Variants in DNAJC3 observed in about 807,000 individuals in gnomAD.
DNAJC3 encodes the protein DnaJ heat shock protein family (Hsp40) member C3, also known as dnaJ homolog subfamily C member 3.
In DNAJC3, 38 loss-of-function variants were observed where a neutral mutation model predicts 68.6. That is an observed-to-expected ratio of 0.55 (90% CI 0.43 to 0.73). DNAJC3 has a LOEUF of 0.73. Among genes scored for constraint, DNAJC3 ranks in the 30% least tolerant of loss-of-function variants. DNAJC3 has a pLI of 0.00. For synonymous variants in DNAJC3, 203 were observed against 204.0 expected, an observed-to-expected ratio of 1.00 and a Z score of 0.04; for missense variants, 526 against 591.9, an observed-to-expected ratio of 0.89 and a Z score of 1.16.
At chr13:95,766,926 T>G (rs1049847437) in intron 9 of DNAJC3, among the ~76,000 whole-genome samples, 1 of 152,164 alleles carries the variant, frequency 6.6e-6, no homozygotes, top group African/African-American at 2.4e-5. Flanking sequence ...GGTCTTGAAC[T>G]CCTGACCTCG....
At chr13:95,782,766 T>G (rs1415076562) in intron 9 of DNAJC3, among the ~76,000 whole-genome samples, 1 of 152,196 alleles carries the variant, frequency 6.6e-6, no homozygotes, top group East Asian at 1.9e-4. Flanking sequence ...CCCGTGTAGG[T>G]TGCCTGTTCA....
chr13:95,729,526 T>C (rs1412081601), intron 4 of DNAJC3, among the ~76,000 whole-genome samples: 1 of 152,014 alleles, frequency 6.6e-6, no homozygotes, highest in Non-Finnish European at 1.5e-5. Context: ...GGTATCCCTT[T>C]GATATACTGA....
At chr13:95,784,847 G>A (rs550260245) in intron 9 of DNAJC3, among the ~76,000 whole-genome samples, 1 of 152,194 alleles carries the variant, frequency 6.6e-6, no homozygotes, top group African/African-American at 2.4e-5. Context: ...GGTGGTGCGT[G>A]CCTGTAGTCC....
At chr13:95,748,051 C>T (rs1882357872) in intron 4 of DNAJC3, among the ~76,000 whole-genome samples, 1 of 152,148 alleles carries the variant, frequency 6.6e-6, no homozygotes, top group Non-Finnish European at 1.5e-5. Context: ...ATCCAACATA[C>T]TTTCCTAAGT....
intron 5 of DNAJC3, 100 bp from the exon 6 acceptor site, chr13:95,759,940 G>A: frequency 1.7e-6 from 2 of 1,208,950 alleles, no homozygotes; most frequent in Non-Finnish European, 2.2e-6. Flanking sequence ...AATTGAGAAT[G>A]TTTTATGTTG....
At chr13:95,737,174 C>T (rs1278658499) in intron 4 of DNAJC3, among the ~76,000 whole-genome samples, 3 of 151,002 alleles carry the variant, frequency 2.0e-5, no homozygotes, top group African/African-American at 7.3e-5. Flanking sequence ...ATGAAGCCCA[C>T]TTGATCATGG....
chr13:95,731,927 A>T (rs1881730152), intron 4 of DNAJC3, among the ~76,000 whole-genome samples: 2 of 127,474 alleles, frequency 1.6e-5, no homozygotes, highest in Non-Finnish European at 1.6e-5. Context: ...TTTTTTTGAG[A>T]CTGGGTCGCA....
At chr13:95,702,860 T>C (rs1283353482) in intron 1 of DNAJC3, among the ~76,000 whole-genome samples, 1 of 152,230 alleles carries the variant, frequency 6.6e-6, no homozygotes, top group Admixed American at 6.5e-5. Context: ...AGACTCCTGG[T>C]TCCATCAGTC....
intron 4 of DNAJC3, among the ~76,000 whole-genome samples, chr13:95,757,400 G>A (rs961457910): frequency 2.6e-5 from 4 of 152,184 alleles, no homozygotes; most frequent in Non-Finnish European, 5.9e-5. Flanking sequence ...TTTGCTTCCC[G>A]GTAAGTTTTT....
chr13:95,755,649 C>T (rs1258661434), intron 4 of DNAJC3, among the ~76,000 whole-genome samples: 1 of 145,396 alleles, frequency 6.9e-6, no homozygotes, highest in Non-Finnish European at 1.5e-5. Context: ...CCCAGCTACT[C>T]AGGAGGCTGA....
At chr13:95,728,091 T>G (rs148782029) in intron 4 of DNAJC3, among the ~76,000 whole-genome samples, 568 of 152,358 alleles carry the variant, frequency 3.7e-3, no homozygotes, top group Middle Eastern at 0.017. Flanking sequence ...CTACTTAGTT[T>G]GTTCCTTTTA....
At position 95,771,536 on chromosome 13, in the gene DNAJC3, T is replaced by C. The variant is rs146090391; in HGVS notation, c.1075+7583T>C. 8.5e-4 allele frequency among the ~76,000 whole-genome samples: 130 copies of C among 152,178 alleles called. 1 individual carries two copies. In the East Asian group the frequency reaches 0.023, roughly 27 times the overall value. On this transcript the variant is annotated intron_variant, in intron 9 of 11. Transcript: ENST00000602402. The stretch of plus-strand genomic sequence containing the variant: ...ATGTGTTGAAGGCAGGCCAGGGTCA[T>C]ATGGAGAGTGGAGGGTGAGGAGTGT...
intron 9 of DNAJC3, among the ~76,000 whole-genome samples, chr13:95,775,990 T>G (rs1883280712): frequency 6.6e-6 from 1 of 151,398 alleles, no homozygotes; most frequent in Non-Finnish European, 1.5e-5. Context: ...ACTCTTTTTA[T>G]ATATATATAT....
At chr13:95,703,969 G>A (rs968391577) in intron 1 of DNAJC3, among the ~76,000 whole-genome samples, 4 of 152,066 alleles carry the variant, frequency 2.6e-5, no homozygotes, top group African/African-American at 7.2e-5. Flanking sequence ...CATGCCCTAG[G>A]CAATCTTCTG....
intron 4 of DNAJC3, among the ~76,000 whole-genome samples, chr13:95,749,127 C>T (rs1011068886): frequency 6.6e-6 from 1 of 152,162 alleles, no homozygotes; most frequent in Non-Finnish European, 1.5e-5. Flanking sequence ...TTAATTTATG[C>T]TTATGGAAAG....
At chr13:95,764,375 C>CTATA (rs61150940) in intron 9 of DNAJC3, among the ~76,000 whole-genome samples, 2,591 of 123,904 alleles carry the variant, frequency 0.021, 107 homozygotes, top group African/African-American at 0.072. Context: ...CTCTCTCTCT[C>CTATA]TATATATATA....
chr13:95,757,544 C>A, intron 4 of DNAJC3, 100 bp from the exon 5 acceptor site: 1 of 1,221,980 alleles, frequency 8.2e-7, no homozygotes, highest in Non-Finnish European at 1.1e-6. Context: ...CCTTTTTACC[C>A]AATGAACTTA....
intron 1 of DNAJC3, among the ~76,000 whole-genome samples, chr13:95,703,953 G>A (rs1401985952): frequency 6.6e-6 from 1 of 152,092 alleles, no homozygotes; most frequent in African/African-American, 2.4e-5. Context: ...CATGGAAGTA[G>A]TATGACATGC....
At chr13:95,693,503 A>G (rs1339253144) in intron 1 of DNAJC3, 1 of 152,198 alleles carries the variant, frequency 6.6e-6, no homozygotes, top group African/African-American at 2.4e-5. Flanking sequence ...AATAATAGGC[A>G]GTATCTTCAC....
Sources: allele counts gnomAD v4.1 joint callset (sites outside exome capture counted in the v4.1 genomes callset), GRCh38; gene constraint gnomAD v4.1.1; transcripts MANE v1.5; gene names NCBI Gene and HGNC (gene_info 2026-07-23, HGNC 2026-07-21).